Variants in FN1 observed in about 807,000 individuals in gnomAD.
The protein encoded by FN1 is fibronectin 1.
Under a neutral mutation model 297.3 loss-of-function variants are expected in FN1, and 106 were observed. The ratio of observed to expected loss-of-function variants is 0.36; its 90% confidence interval spans 0.30 to 0.42. The LOEUF is 0.42. FN1 is among the 10% of genes least tolerant of loss of function. The pLI, the probability that FN1 is intolerant of heterozygous loss-of-function variation, is 1.00. For missense variants in FN1, 2,690 were observed against 3,124.9 expected (o/e 0.86, Z 3.32); for synonymous variants, 1,149 against 1,152.6 (o/e 1.00, Z 0.06).
At chr2:215,363,061 G>T in intron 44 of FN1, 1 of 152,018 alleles carries the variant, frequency 6.6e-6, no homozygotes, top group East Asian at 1.9e-4. Flanking sequence ...AAATATTTTA[G>T]ACATATTTCT....
In FN1 at chr2:215,393,446, T is replaced by TA. The variant is rs370714979; in HGVS notation, c.3797-244_3797-243insT. 41,938 of 153,956 alleles carry TA rather than the reference T, an allele frequency of 0.27. 6,284 individuals are homozygous for TA. Among genetic ancestry groups the TA allele is most frequent in the East Asian group, 0.8 (4,652 of 5,830 alleles). 9.5% of individuals were successfully genotyped at this position (153,956 alleles called of 1,614,324 possible). ...TTAGGGAATATATATATATATATAT[T>TA]TTTTACATTTTGAAAACATCCTTAA... On this transcript the variant is annotated intron_variant, in intron 24 of 45. Transcript: ENST00000354785.
Position 215,388,270 on chromosome 2 carries a change from A to C in FN1, c.4284T>G (p.Ser1428Arg), listed in dbSNP as rs1237394919. Residue 1428 changes from serine to arginine, a missense_variant, in exon 27 of 46, where the codon AGT becomes AGG. By Grantham distance (110) the Ser-to-Arg change is moderately radical. Coordinates refer to ENST00000354785, the MANE Select transcript of FN1 (RefSeq NM_212482.4). ...CATGTTGTTCGTAGACACTGGAGAC[A>C]CTCACTACATATTCTGTACCAGGCA... ...NLLPGTEYVV[S>R]VSSVYEQHES... 1.2e-5 allele frequency: 20 copies of C among 1,613,812 alleles called. No homozygotes were observed. Among genetic ancestry groups the C allele is most frequent in the Non-Finnish European group, 1.7e-5 (20 of 1,179,822 alleles).
At chr2:215,421,959 G>C in intron 10 of FN1, 132 bp downstream of exon 10, 1 of 874,728 alleles carries the variant, frequency 1.1e-6, no homozygotes. Flanking sequence ...ACCATGCACA[G>C]TAGACTAATG....
chr2:215,406,143 A>G, intron 19 of FN1, 95 bp downstream of exon 19: 1 of 1,282,630 alleles, frequency 7.8e-7, no homozygotes, highest in African/African-American at 1.5e-5. Flanking sequence ...TCTCTAAGCC[A>G]TACACCTCTG....
chr2:215,385,520 C>T (rs1227537294), intron 28 of FN1, among the ~76,000 whole-genome samples: 1 of 149,048 alleles, frequency 6.7e-6, no homozygotes, highest in Admixed American at 6.7e-5. Flanking sequence ...CAAGATCCCA[C>T]CATTGCACTC....
chr2:215,409,825 T>C (rs761897592), intron 14 of FN1, 86 bp from the exon 15 acceptor site: 40 of 1,591,264 alleles, frequency 2.5e-5, no homozygotes, highest in East Asian at 6.7e-5. Context: ...TTAAAAAACG[T>C]TGGTGCCCCT....
intron 4 of FN1, among the ~76,000 whole-genome samples, chr2:215,431,418 A>G (rs2066488251): frequency 6.6e-6 from 1 of 152,230 alleles, no homozygotes; most frequent in Admixed American, 6.5e-5. Flanking sequence ...TAATTTGAAA[A>G]GAAATGAGCA....
chr2:215,374,931 T>C (rs181615536), intron 38 of FN1, among the ~76,000 whole-genome samples: 2 of 152,296 alleles, frequency 1.3e-5, no homozygotes, highest in African/African-American at 4.8e-5. Context: ...AAAATATCTT[T>C]CTCCAGGACT....
At chr2:215,379,381 G>A (rs759189873) in intron 33 of FN1, 64 bp from the exon 34 acceptor site, 1 of 1,457,600 alleles carries the variant, frequency 6.9e-7, no homozygotes. Context: ...AAAATAAAGT[G>A]AGTTCCAAGA....
intron 24 of FN1, among the ~76,000 whole-genome samples, chr2:215,393,872 G>A (rs972455277): frequency 6.6e-6 from 1 of 152,154 alleles, no homozygotes; most frequent in African/African-American, 2.4e-5. Flanking sequence ...AGTCCAAAGG[G>A]GGACACGATC....
At chr2:215,379,884 C>CG (rs914163875) in intron 33 of FN1, 7 of 155,192 alleles carry the variant, frequency 4.5e-5, no homozygotes, top group Non-Finnish European at 7.1e-5. Context: ...TTTGTAGAGA[C>CG]GGGGTCTCAC....
At chr2:215,408,447 G>T in intron 15 of FN1, 21 bp from the exon 16 acceptor site, 3 of 1,613,542 alleles carry the variant, frequency 1.9e-6, no homozygotes, top group Non-Finnish European at 2.5e-6. Flanking sequence ...AAAAGAAAAG[G>T]TAACTAATCA....
rs1453328992 is a variant in FN1, at chr2:215,406,410, A to C, written c.2814T>G (p.Arg938=). The stretch of plus-strand genomic sequence containing the variant: ...GCAGGTTGACGGGGATCACATCCAC[A>C]CGGTAGCCGGTCACTGCACTCTCAG... ...TPPESAVTGY[R]VDVIPVNLPG... Residue 938 remains arginine, a synonymous_variant, in exon 19 of 46, where the codon CGT becomes CGG. Coordinates refer to ENST00000354785, the MANE Select transcript of FN1 (RefSeq NM_212482.4). 6.2e-7 allele frequency: 1 copy of C among 1,614,196 alleles called. No homozygotes were observed. The highest frequency in any genetic ancestry group is 1.7e-5 in the Admixed American group (1 of 60,032).
intron 44 of FN1, among the ~76,000 whole-genome samples, chr2:215,363,867 C>T (rs1278855108): frequency 6.6e-6 from 1 of 152,190 alleles, no homozygotes; most frequent in Admixed American, 6.5e-5. Flanking sequence ...GAAGTACTGG[C>T]TTAAATAATG....
At chr2:215,421,643 GA>G (rs1392028631) in intron 10 of FN1, among the ~76,000 whole-genome samples, 2 of 152,176 alleles carry the variant, frequency 1.3e-5, no homozygotes, top group Non-Finnish European at 2.9e-5. Context: ...GGGTGCAAAG[GA>G]GAAAAACTAA....
Position 215,378,181 on chromosome 2 carries a change from G to T in FN1, c.5704C>A (p.Leu1902Met). 2 of 1,582,218 alleles carry T rather than the reference G, an allele frequency of 1.3e-6. No individual in the cohort carries two copies. The highest frequency in any genetic ancestry group is 1.1e-5 in the South Asian group (1 of 90,422). Residue 1902 changes from leucine (L) to methionine (M), a missense_variant, in exon 35 of 46, where the codon CTG (leucine) becomes ATG (methionine). Around this residue, in one of 3 missense-constraint regions of FN1, gnomAD observed 1,743 missense variants for 1,945.2 expected, o/e 0.90. Coordinates refer to ENST00000354785, the MANE Select transcript of FN1 (RefSeq NM_212482.4). Reference sequence around the variant, plus strand: ...AAGACATTTTGTTACTTACTCTCCAGAGTGGTGACAACTCCCTGAGCTGGT... The same window carrying T: ...AAGACATTTTGTTACTTACTCTCCATAGTGGTGACAACTCCCTGAGCTGGT... ...SRPAQGVVTT[L>M]ENVSPPRRAR... is the part of the protein sequence containing the mutation.
intron 28 of FN1, among the ~76,000 whole-genome samples, chr2:215,385,828 A>G (rs1472420904): frequency 2.9e-5 from 4 of 136,848 alleles, no homozygotes; most frequent in East Asian, 4.4e-4. Context: ...ACCAGGCTGG[A>G]GTGCAGTGAC....
chr2:215,402,316 TA>T (rs1449301173), intron 20 of FN1, among the ~76,000 whole-genome samples: 1 of 152,152 alleles, frequency 6.6e-6, no homozygotes, highest in Non-Finnish European at 1.5e-5. Context: ...GATGTGATTC[TA>T]AGTGTGAGCT....
chr2:215,433,516 T>C, intron 2 of FN1, 55 bp from the exon 3 acceptor site: 1 of 1,563,996 alleles, frequency 6.4e-7, no homozygotes, highest in Non-Finnish European at 8.7e-7. Flanking sequence ...GCTTTTCTAG[T>C]TCACTAATCC....
Sources: gnomAD v4.1 joint callset for allele counts (sites outside exome capture counted in the v4.1 genomes callset) on GRCh38, gnomAD v4.1.1 for gene constraint, gnomAD v4.1.1 regional missense constraint, MANE v1.5 for transcripts, NCBI Gene and HGNC (gene_info 2026-07-23, HGNC 2026-07-21) for gene names.